Variants in WRAP53 observed in about 807,000 individuals in gnomAD.
WRAP53 encodes telomerase Cajal body protein 1.
In WRAP53, 28 loss-of-function variants were observed where a neutral mutation model predicts 56.6. The ratio of observed to expected loss-of-function variants is 0.50; its 90% CI spans 0.37 to 0.68. The LOEUF (loss-of-function observed/expected upper bound fraction) is 0.68, where lower values mean the gene tolerates loss of function less well. WRAP53 is among the 30% of genes least tolerant of loss of function. The pLI, the probability that WRAP53 is intolerant of heterozygous loss-of-function variation, is 0.00. For missense variants in WRAP53, 671 were observed against 715.5 expected (o/e 0.94, Z 0.71); for synonymous variants, 283 against 283.4 (o/e 1.00, Z 0.01).
chr17:7,691,458 C>T (rs11078706), intron 4 of WRAP53, among the ~76,000 whole-genome samples: 6,934 of 146,364 alleles, frequency 0.047, 357 homozygotes, highest in African/African-American at 0.13. Context: ...GGCGTGATCT[C>T]GGCTCACTGC....
At position 7,701,574 on chromosome 17, in the gene WRAP53, A is replaced by G; in HGVS notation, c.822+25A>G. 6.2e-7 allele frequency: 1 copy of G among 1,614,214 alleles called. No individual in the cohort carries two copies. Among genetic ancestry groups the G allele is most frequent in the Non-Finnish European group, 8.5e-7 (1 of 1,180,040 alleles). ...GGTAGGGACCGCCATACTCAGCCCC[A>G]GCACTCGTACTGGCCCGGCTCTCCT... On this transcript the variant is annotated intron_variant, in intron 6 of 10. Coordinates refer to ENST00000396463, the MANE Select transcript of WRAP53 (RefSeq NM_001143992.2). This position sits in a 1 kb window ranked among gnomAD's most constrained non-coding sequence, Gnocchi z 4.2.
chr17:7,701,509 C>A lies in WRAP53; in HGVS notation c.782C>A (p.Thr261Asn), dbSNP rs372757806. The A allele has an allele frequency of 3.0e-5, 49 of 1,614,256 alleles. 1 individual carries two copies. The South Asian group carries it at 5.3e-4, about 17-fold the overall frequency. ...CCGATTCATATCTGGGACGCATTCA[C>A]TGGAGAGCTCCGGGCTTCCTTTCGC... ...ENPIHIWDAF[T>N]GELRASFRAY... is the part of the protein sequence containing the mutation. Residue 261 changes from threonine (T) to asparagine (N), a missense_variant, in exon 6 of 11, where the codon ACT (threonine) becomes AAT (asparagine). Transcript: ENST00000396463. The surrounding 1 kb of genome is among the most constrained non-coding windows in gnomAD (Gnocchi z 4.2).
intron 4 of WRAP53, among the ~76,000 whole-genome samples, chr17:7,692,677 A>C (rs1027268411): frequency 6.7e-6 from 1 of 148,198 alleles, no homozygotes; most frequent in Non-Finnish European, 1.5e-5. Context: ...CATCCTAATC[A>C]GGTTCTGCCT....
intron 4 of WRAP53, among the ~76,000 whole-genome samples, chr17:7,691,388 A>AG: frequency 7.4e-6 from 1 of 135,202 alleles, no homozygotes; most frequent in African/African-American, 3.2e-5. Flanking sequence ...GTCATGAGAG[A>AG]GGTGTTTTTT....
At chr17:7,691,325 C>T (rs1167378552) in intron 4 of WRAP53, among the ~76,000 whole-genome samples, 1 of 151,642 alleles carries the variant, frequency 6.6e-6, no homozygotes, top group African/African-American at 2.4e-5. Flanking sequence ...CAGAGAAGAG[C>T]AGCCACGTCG....
At position 7,702,408 on chromosome 17, in the gene WRAP53, T is replaced by C. The variant is rs756619906; in HGVS notation, c.1020T>C (p.Tyr340=). Residue 340 remains tyrosine, a synonymous_variant, in exon 8 of 11, where the codon TAT becomes TAC. Coordinates refer to ENST00000396463, the MANE Select transcript of WRAP53 (RefSeq NM_001143992.2). The surrounding 1 kb of genome is among the most constrained non-coding windows in gnomAD (Gnocchi z 5.0). ...CCTTCAGCCCAGCCCAGCCCCTCTA[T>C]GCCTGTGGCTCCTACGGCCGCTCCC... ...CIAFSPAQPL[Y]ACGSYGRSLG... 4 of 1,614,148 alleles carry C rather than the reference T, an allele frequency of 2.5e-6. No individual in the cohort carries two copies. In the Admixed American group the frequency reaches 6.7e-5, roughly 27 times the overall value.
intron 4 of WRAP53, among the ~76,000 whole-genome samples, chr17:7,694,185 C>T (rs1057450014): frequency 1.3e-5 from 2 of 150,626 alleles, no homozygotes; most frequent in Non-Finnish European, 3.0e-5. Context: ...AATATTAAAA[C>T]ATTTTAAAAA....
rs2074270911 is a variant in WRAP53, at chr17:7,701,384, C to T, written c.732-75C>T. The T allele has an allele frequency of 6.6e-7, 1 of 1,524,350 alleles. No homozygotes were observed. Among genetic ancestry groups the T allele is most frequent in the African/African-American group, 1.4e-5 (1 of 73,136 alleles). The allele number at this position is 1,524,350 out of a possible 1,614,324, so 94.4% of individuals were successfully genotyped here. The stretch of plus-strand genomic sequence containing the variant: ...CCTCCCAAAGTGCTGGGATTACAGG[C>T]ATGAGCCACTGTGCCCGGCCATTCC... On this transcript the variant is annotated intron_variant, in intron 5 of 10. Coordinates refer to ENST00000396463, the MANE Select transcript of WRAP53 (RefSeq NM_001143992.2). This position sits in a 1 kb window ranked among gnomAD's most constrained non-coding sequence, Gnocchi z 4.2.
chr17:7,687,192 C>T (rs560135007), upstream of WRAP53: 1 of 397,594 alleles, frequency 2.5e-6, no homozygotes, highest in South Asian at 1.4e-4. Flanking sequence ...CATCTACACC[C>T]AGGTCTCCCA....
Position 7,701,519 on chromosome 17 carries a change from C to T in WRAP53, c.792C>T (p.Leu264=), listed in dbSNP as rs143017192. 122 of 1,614,248 alleles carry T rather than the reference C, an allele frequency of 7.6e-5. No individual in the cohort carries two copies. The South Asian group carries it at 1.2e-3, about 16-fold the overall frequency. Residue 264 remains leucine, a synonymous_variant, in exon 6 of 11, where the codon CTC becomes CTT. Transcript: ENST00000396463. The surrounding 1 kb of genome is among the most constrained non-coding windows in gnomAD (Gnocchi z 4.2). ...TCTGGGACGCATTCACTGGAGAGCT[C>T]CGGGCTTCCTTTCGCGCCTACAACC... is the stretch of plus-strand genomic sequence containing the variant. ...IHIWDAFTGE[L]RASFRAYNHL... is the part of the protein sequence containing the mutation.
At chr17:7,700,646 T>A (rs2074261117) in intron 4 of WRAP53, 95 bp from the exon 5 acceptor site, 1 of 823,950 alleles carries the variant, frequency 1.2e-6, no homozygotes. Flanking sequence ...CTGTGCTCCA[T>A]ATATACACCC....
intron 4 of WRAP53, among the ~76,000 whole-genome samples, chr17:7,700,260 T>C (rs1432647798): frequency 6.6e-6 from 1 of 152,044 alleles, no homozygotes; most frequent in Non-Finnish European, 1.5e-5. Flanking sequence ...GCACCTAGCA[T>C]GTACTCAGTA....
intron 4 of WRAP53, among the ~76,000 whole-genome samples, chr17:7,699,741 C>A (rs530082208): frequency 6.7e-6 from 1 of 149,008 alleles, no homozygotes; most frequent in South Asian, 2.1e-4. Context: ...TTTTTGTTTC[C>A]ATTTTTGTAT....
chr17:7,691,697 T>C (rs1413783125), intron 4 of WRAP53, among the ~76,000 whole-genome samples: 4 of 152,006 alleles, frequency 2.6e-5, no homozygotes, highest in African/African-American at 7.2e-5. Context: ...GCTTAATTTT[T>C]GTATTTTTAG....
chr17:7,702,757 G>T lies in WRAP53; in HGVS notation c.1179G>T (p.Leu393=). 1 of 1,613,758 alleles carries T rather than the reference G, an allele frequency of 6.2e-7. No homozygotes were observed. The highest frequency in any genetic ancestry group is 8.5e-7 in the Non-Finnish European group (1 of 1,180,010). Residue 393 remains leucine, a synonymous_variant, in exon 9 of 11, where the codon CTG becomes CTT. Transcript: ENST00000396463. This position sits in a 1 kb window ranked among gnomAD's most constrained non-coding sequence, Gnocchi z 5.0. The stretch of plus-strand genomic sequence containing the variant: ...CTTGTCTCCAGGATGCTGAGCTCCT[G>T]TGCTGGGATCTCCGGCAGTCTGGTT... ...FSGARKDAEL[L]CWDLRQSGYP... is the part of the protein sequence containing the mutation.
chr17:7,689,835 G>A, intron 4 of WRAP53, 134 bp downstream of exon 4: 4 of 708,454 alleles, frequency 5.6e-6, no homozygotes, highest in South Asian at 1.7e-5. Flanking sequence ...CACATGTAGC[G>A]TTTTCTGCCC....
intron 4 of WRAP53, among the ~76,000 whole-genome samples, chr17:7,697,931 G>A (rs988542986): frequency 7.9e-5 from 12 of 151,280 alleles, no homozygotes; most frequent in Admixed American, 7.2e-4. Flanking sequence ...GCAGTGGTGC[G>A]AACATGGCAC....
chr17:7,691,185 G>A (rs1369594427), intron 4 of WRAP53, among the ~76,000 whole-genome samples: 1 of 151,374 alleles, frequency 6.6e-6, no homozygotes, highest in Non-Finnish European at 1.5e-5. Context: ...CTCCAGCCTG[G>A]GTGACAGAGT....
At chr17:7,700,592 T>G (rs2074260575) in intron 4 of WRAP53, 149 bp from the exon 5 acceptor site, 1 of 716,996 alleles carries the variant, frequency 1.4e-6, no homozygotes, top group East Asian at 2.6e-5. Context: ...GTGGCTAAAT[T>G]TGACATTAAA....
Sources: allele counts gnomAD v4.1 joint callset (sites outside exome capture counted in the v4.1 genomes callset), GRCh38; gene constraint gnomAD v4.1.1; non-coding constraint Gnocchi (gnomAD v3.1); transcripts MANE v1.5; gene names NCBI Gene and HGNC (gene_info 2026-07-23, HGNC 2026-07-21).